BCL2: variants seen among roughly 807,000 people sequenced by gnomAD.
BCL2 encodes apoptosis regulator Bcl-2.
BCL2 carries 1 observed loss-of-function variant against 14.2 expected under a neutral mutation model. The ratio of observed to expected loss-of-function variants is 0.07; its 90% CI spans 0.02 to 0.33. The LOEUF (loss-of-function observed/expected upper bound fraction) is 0.33, where lower values mean the gene tolerates loss of function less well. Among genes scored for constraint, BCL2 ranks in the 10% least tolerant of loss-of-function variants. The pLI, the probability that BCL2 is intolerant of heterozygous loss-of-function variation, is 0.99. For missense variants in BCL2, 247 were observed against 305.9 expected (o/e 0.81, Z 1.44); for synonymous variants, 151 against 137.2 (o/e 1.10, Z -0.70).
intron 2 of BCL2, among the ~76,000 whole-genome samples, chr18:63,258,576 G>A (rs1440500712): frequency 2.6e-5 from 4 of 152,212 alleles, no homozygotes; most frequent in Non-Finnish European, 5.9e-5. Context: ...AACCTGGCCA[G>A]CTTTCTTCAT....
At chr18:63,144,587 G>A (rs1413376684) in intron 2 of BCL2, among the ~76,000 whole-genome samples, 2 of 152,114 alleles carry the variant, frequency 1.3e-5, no homozygotes, top group East Asian at 3.9e-4. Context: ...CCCGAGGAGT[G>A]ACAGGGAACG....
chr18:63,175,649 G>A (rs981641720), intron 2 of BCL2, among the ~76,000 whole-genome samples: 7 of 152,210 alleles, frequency 4.6e-5, no homozygotes, highest in African/African-American at 1.7e-4. Context: ...ATGATAGAGA[G>A]GAGATTCAAA....
chr18:63,318,500 G>T lies in BCL2; in HGVS notation c.167C>A (p.Thr56Lys). The T allele has an allele frequency of 6.5e-7, 1 of 1,535,714 alleles. No homozygotes were observed. Reference protein sequence around the residue: ...PGIFSSQPGHTPHPAASRDPV... With the variant: ...PGIFSSQPGHKPHPAASRDPV... ...GTCCCGGGATGCGGCTGGATGGGGC[G>T]TGTGCCCGGGCTGGGAGGAGAAGAT... Residue 56 changes from threonine to lysine, a missense_variant, in exon 2 of 3, where the codon ACG (threonine) becomes AAG (lysine). Physicochemically the swap from Thr to Lys is moderately conservative, Grantham distance 78. This residue lies in a region of BCL2 where 144 missense variants were observed against 135.3 expected (regional missense o/e 1.06). Transcript: ENST00000333681. The surrounding 1 kb of genome is among the most constrained non-coding windows in gnomAD (Gnocchi z 7.4).
intron 2 of BCL2, among the ~76,000 whole-genome samples, chr18:63,294,542 C>A (rs941409532): frequency 1.3e-5 from 2 of 151,968 alleles, no homozygotes; most frequent in Admixed American, 6.6e-5. Flanking sequence ...TGGTGGCACA[C>A]ACCTGTAGTT....
chr18:63,137,245 T>A (rs1423040637), intron 2 of BCL2, among the ~76,000 whole-genome samples: 2 of 152,232 alleles, frequency 1.3e-5, no homozygotes, highest in Non-Finnish European at 1.5e-5. Context: ...TTTCTCCAAA[T>A]CCCTAGGTTG....
intron 2 of BCL2, among the ~76,000 whole-genome samples, chr18:63,187,559 A>G (rs2144648274): frequency 6.6e-6 from 1 of 152,316 alleles, no homozygotes; most frequent in Middle Eastern, 3.4e-3. Context: ...AGCCCCCTAC[A>G]CCCACCCCAC....
chr18:63,194,215 T>C (rs892355631), intron 2 of BCL2, among the ~76,000 whole-genome samples: 10 of 152,324 alleles, frequency 6.6e-5, no homozygotes, highest in Admixed American at 2.6e-4. Flanking sequence ...TAAATAGCCA[T>C]TGAATGAAAT....
At chr18:63,128,858 T>C in intron 2 of BCL2, 99 bp from the exon 3 acceptor site, 1 of 645,450 alleles carries the variant, frequency 1.5e-6, no homozygotes, top group Non-Finnish European at 2.9e-6. Context: ...CAGGGCAGCC[T>C]GGGCACCTTC....
Position 63,127,889 on chromosome 18 carries a change from G to A in BCL2, c.*736C>T, listed in dbSNP as rs903381935. 4.5e-6 allele frequency: 1 copy of A among 224,664 alleles called. No homozygotes were observed. Among genetic ancestry groups the A allele is most frequent in the Admixed American group, 5.7e-5 (1 of 17,454 alleles). The allele number at this position is 224,664 out of a possible 1,614,324, so 13.9% of individuals were successfully genotyped here. A position where few individuals can be genotyped will look rare whatever the true frequency, so the allele number is the denominator to read the frequency against. ...ATAAATTGCTAAAATGCTTTTCTCG[G>A]CACAATTGGTAGCTTAAAAAAATAC... On this transcript the variant is annotated 3_prime_UTR_variant, in exon 3 of 3. Transcript: ENST00000333681.
chr18:63,140,894 G>A (rs1914338887), intron 2 of BCL2, among the ~76,000 whole-genome samples: 2 of 152,242 alleles, frequency 1.3e-5, no homozygotes, highest in South Asian at 4.1e-4. Flanking sequence ...TTCCACAGAA[G>A]TACTGGCTTG....
rs556884462 is a variant in BCL2 at position 63,229,630 on chromosome 18, A to T, written c.585+88452T>A. Among the ~76,000 whole-genome samples the T allele has an allele frequency of 5.3e-5, 8 of 152,286 alleles. No individual in the cohort carries two copies. In the East Asian group the frequency reaches 1.5e-3, roughly 29 times the overall value. On this transcript the variant is annotated intron_variant, in intron 2 of 2. Transcript: ENST00000333681. ...CTGGCTATGTGATGTGCCTGCACCCATTTCACCTTCTGCTACGAGTAAAAG... is the reference window on the plus strand; with the variant it reads ...CTGGCTATGTGATGTGCCTGCACCCTTTTCACCTTCTGCTACGAGTAAAAG...
chr18:63,261,071 A>C (rs1911645265), intron 2 of BCL2, among the ~76,000 whole-genome samples: 1 of 152,240 alleles, frequency 6.6e-6, no homozygotes, highest in East Asian at 1.9e-4. Context: ...TCATGCAGGT[A>C]CTGCCAGGCT....
intron 2 of BCL2, among the ~76,000 whole-genome samples, chr18:63,198,742 GACAC>G (rs1227326722): frequency 1.2e-5 from 1 of 82,476 alleles, no homozygotes; most frequent in South Asian, 3.8e-4. Context: ...CAGACACAGG[GACAC>G]ACACAGACAC....
chr18:63,159,888 G>A (rs1053859334), intron 2 of BCL2, among the ~76,000 whole-genome samples: 1 of 152,168 alleles, frequency 6.6e-6, no homozygotes, highest in African/African-American at 2.4e-5. Flanking sequence ...AGTTTCTGCT[G>A]GCCAACTCGA....
rs4987840 is a variant in BCL2 at position 63,138,433 on chromosome 18, C to T, written c.586-9674G>A. 1.1e-3 allele frequency among the ~76,000 whole-genome samples: 162 copies of T among 152,332 alleles called. 5 individuals are homozygous for T. In the South Asian group the frequency reaches 0.03, roughly 29 times the overall value. ...TTCTGTCCCCTGTGACTCTTCCTCC[C>T]GCACCCTCCCTTTACTCCCAAAATA... On this transcript the variant is annotated intron_variant, in intron 2 of 2. Coordinates refer to ENST00000333681, the MANE Select transcript of BCL2 (RefSeq NM_000633.3).
Position 63,281,732 on chromosome 18 carries a change from GAAAGAAAA to G in BCL2, c.585+36342_585+36349del, listed in dbSNP as rs1231615992. Among the ~76,000 whole-genome samples, 68 of 129,036 alleles carry G rather than the reference GAAAGAAAA, an allele frequency of 5.3e-4. 1 individual carries two copies. The highest frequency in any genetic ancestry group is 1.5e-3 in the African/African-American group (55 of 35,594). The allele number at this position is 129,036 out of a possible 152,430, so 84.7% of individuals were successfully genotyped here. On this transcript the variant is annotated intron_variant, in intron 2 of 2. Transcript: ENST00000333681. ...AGAAAGAAAGAAAGAAAGAAAGAAA[GAAAGAAAA>G]AGAGAGAGGAAAGAAAGAGAAAAAG...
intron 2 of BCL2, among the ~76,000 whole-genome samples, chr18:63,142,598 A>G (rs568446382): frequency 3.3e-5 from 5 of 152,212 alleles, no homozygotes; most frequent in Non-Finnish European, 7.3e-5. Context: ...CTGCAGCTCA[A>G]TGGGTCATTC....
chr18:63,181,678 CAT>C (rs1418013778), intron 2 of BCL2, among the ~76,000 whole-genome samples: 2 of 152,228 alleles, frequency 1.3e-5, no homozygotes, highest in African/African-American at 4.8e-5. Context: ...GAATGTCAGA[CAT>C]GTGTCCAACT....
At chr18:63,278,523 C>A (rs1451475521) in intron 2 of BCL2, among the ~76,000 whole-genome samples, 1 of 152,204 alleles carries the variant, frequency 6.6e-6, no homozygotes, top group African/African-American at 2.4e-5. Flanking sequence ...CCTGGCCTGC[C>A]TTCAGCAAGA....
Sources: gnomAD v4.1 joint callset for allele counts (sites outside exome capture counted in the v4.1 genomes callset) on GRCh38, gnomAD v4.1.1 for gene constraint, gnomAD v4.1.1 regional missense constraint, Gnocchi (gnomAD v3.1) non-coding constraint, MANE v1.5 for transcripts, NCBI Gene and HGNC (gene_info 2026-07-23, HGNC 2026-07-21) for gene names.